Variants in CPEB3 observed in about 807,000 individuals in gnomAD.
CPEB3 encodes the protein cytoplasmic polyadenylation element binding protein 3.
Under a neutral mutation model 67.2 loss-of-function variants are expected in CPEB3, and 20 were observed. That is an observed-to-expected ratio of 0.30 (90% CI 0.21 to 0.43). CPEB3 has a LOEUF of 0.43. CPEB3 is among the 20% of genes least tolerant of loss of function. The pLI is 1.00. For synonymous variants in CPEB3, 376 were observed against 393.1 expected (o/e 0.96, Z 0.51); for missense variants, 746 against 968.6 (o/e 0.77, Z 3.05).
chr10:92,061,436 A>AC (rs1363901670), intron 9 of CPEB3, among the ~76,000 whole-genome samples: 7 of 150,358 alleles, frequency 4.7e-5, no homozygotes, highest in African/African-American at 1.7e-4. Flanking sequence ...AAAAAAAAAA[A>AC]AAAAAAACAT....
chr10:92,244,693 T>TC (rs1851988812), intron 1 of CPEB3, among the ~76,000 whole-genome samples: 1 of 152,102 alleles, frequency 6.6e-6, no homozygotes, highest in Non-Finnish European at 1.5e-5. Flanking sequence ...CGCCTCTGCC[T>TC]CCCAAAGTAC....
chr10:92,151,635 CTT>C (rs2133887882), intron 4 of CPEB3, among the ~76,000 whole-genome samples: 1 of 152,322 alleles, frequency 6.6e-6, no homozygotes, highest in East Asian at 1.9e-4. Flanking sequence ...GCATCACAAA[CTT>C]AATGTGTTTA....
At chr10:92,071,170 AGT>A (rs1303717272) in intron 9 of CPEB3, among the ~76,000 whole-genome samples, 11 of 152,066 alleles carry the variant, frequency 7.2e-5, no homozygotes, top group African/African-American at 2.7e-4. Flanking sequence ...GGCTGATTCT[AGT>A]CTAGTATCCT....
chr10:92,105,359 C>T (rs775424144), intron 7 of CPEB3, among the ~76,000 whole-genome samples: 9 of 152,190 alleles, frequency 5.9e-5, no homozygotes, highest in Admixed American at 2.0e-4. Flanking sequence ...AATTTAATTT[C>T]TCTCTATTCC....
At chr10:92,289,281 T>C (rs1842685081) in intron 1 of CPEB3, among the ~76,000 whole-genome samples, 1 of 151,504 alleles carries the variant, frequency 6.6e-6, no homozygotes, top group Non-Finnish European at 1.5e-5. Flanking sequence ...CTCGCCCCTG[T>C]AATCCCAGCA....
chr10:92,069,761 C>T (rs1354706388), intron 9 of CPEB3, among the ~76,000 whole-genome samples: 2 of 152,178 alleles, frequency 1.3e-5, no homozygotes, highest in Admixed American at 6.6e-5. Flanking sequence ...CTAAAAGTCG[C>T]TCTGGTTCCC....
At chr10:92,141,645 A>G (rs1179960433) in intron 6 of CPEB3, among the ~76,000 whole-genome samples, 3 of 151,412 alleles carry the variant, frequency 2.0e-5, no homozygotes, top group Non-Finnish European at 4.4e-5. Context: ...AATAAAAAAT[A>G]ATAATAATAG....
chr10:92,138,157 G>A (rs959449240), intron 6 of CPEB3: 2 of 197,314 alleles, frequency 1.0e-5, no homozygotes, highest in East Asian at 1.2e-4. Context: ...CCACTGACCC[G>A]CAGCCAGAGG....
At chr10:92,249,690 T>TAAAAAAAAAAAAAAAAAAAAAAAAAAA (rs1852213405) in intron 1 of CPEB3, among the ~76,000 whole-genome samples, 1 of 151,368 alleles carries the variant, frequency 6.6e-6, no homozygotes, top group African/African-American at 2.4e-5. Flanking sequence ...TTAGAAATTT[T>TAAAAAAAAAAAAAAAAAAAAAAAAAAA]AAAAGTTGAA....
At chr10:92,185,182 G>A (rs557995411) in intron 3 of CPEB3, among the ~76,000 whole-genome samples, 47 of 152,260 alleles carry the variant, frequency 3.1e-4, no homozygotes, top group Admixed American at 1.8e-3. Flanking sequence ...GTGACATTTC[G>A]TCACCTGTCC....
chr10:92,283,722 C>CTTTTTTTTTTTTTTTTTTTTTTTTTTT (rs869248048), intron 1 of CPEB3, among the ~76,000 whole-genome samples: 1 of 108,952 alleles, frequency 9.2e-6, no homozygotes, highest in Non-Finnish European at 1.9e-5. Flanking sequence ...CTTTTTCTTT[C>CTTTTTTTTTTTTTTTTTTTTTTTTTTT]TTTTTTTTTT....
chr10:92,244,446 C>CTTT (rs369613347), intron 1 of CPEB3, among the ~76,000 whole-genome samples: 1 of 150,104 alleles, frequency 6.7e-6, no homozygotes, highest in East Asian at 2.0e-4. Context: ...ATACAGTTTT[C>CTTT]TTTTTTTTTG....
At chr10:92,247,893 TTTTG>T (rs1279728225) in intron 1 of CPEB3, among the ~76,000 whole-genome samples, 15 of 151,964 alleles carry the variant, frequency 9.9e-5, no homozygotes, top group Admixed American at 3.9e-4. Flanking sequence ...TTTGTTTTGT[TTTTG>T]TTTTTGTTTT....
At chr10:92,261,233 A>T (rs1189089623) in intron 1 of CPEB3, among the ~76,000 whole-genome samples, 1 of 152,198 alleles carries the variant, frequency 6.6e-6, no homozygotes, top group Non-Finnish European at 1.5e-5. Context: ...CACCTTTATT[A>T]TCTCACTTGA....
chr10:92,060,934 C>A (rs551323313), intron 9 of CPEB3, among the ~76,000 whole-genome samples: 26 of 152,270 alleles, frequency 1.7e-4, no homozygotes, highest in African/African-American at 6.3e-4. Flanking sequence ...ATTAGTACAA[C>A]CACCACGGAG....
intron 2 of CPEB3, among the ~76,000 whole-genome samples, chr10:92,237,576 A>G (rs1851599816): frequency 1.3e-5 from 2 of 152,206 alleles, no homozygotes; most frequent in Admixed American, 6.5e-5. Context: ...TTGTATTCAG[A>G]GTCAACTCCC....
At chr10:92,269,349 A>C (rs985409118) in intron 1 of CPEB3, among the ~76,000 whole-genome samples, 1 of 152,202 alleles carries the variant, frequency 6.6e-6, no homozygotes, top group Non-Finnish European at 1.5e-5. Flanking sequence ...TATACCAAAT[A>C]TGCTAATTAG....
At chr10:92,111,998 T>C (rs1844768593) in intron 6 of CPEB3, among the ~76,000 whole-genome samples, 1 of 152,192 alleles carries the variant, frequency 6.6e-6, no homozygotes, top group Non-Finnish European at 1.5e-5. Flanking sequence ...AAATGGACAT[T>C]AGCTGCAGGA....
At chr10:92,246,317 G>A (rs927809690) in intron 1 of CPEB3, among the ~76,000 whole-genome samples, 1 of 149,992 alleles carries the variant, frequency 6.7e-6, no homozygotes, top group East Asian at 2.0e-4. Context: ...CTGGGAGACA[G>A]AGCGAGACTC....
Sources: gnomAD v4.1 joint callset for allele counts (sites outside exome capture counted in the v4.1 genomes callset) on GRCh38, gnomAD v4.1.1 for gene constraint, MANE v1.5 for transcripts, NCBI Gene and HGNC (gene_info 2026-07-23, HGNC 2026-07-21) for gene names.